The following TEAD1 variants were observed in gnomAD, a reference collection of about 807,000 sequenced individuals.
TEAD1 encodes the protein transcriptional enhancer factor TEF-1.
TEAD1 carries 9 observed loss-of-function variants against 54.9 expected under a neutral mutation model. That is an observed-to-expected ratio of 0.16 (90% CI 0.10 to 0.29). The LOEUF (loss-of-function observed/expected upper bound fraction) is 0.29. Ranked by LOEUF, TEAD1 falls within the 10% of genes least tolerant of loss-of-function variation. The pLI is 1.00. For missense variants in TEAD1, 387 were observed against 535.9 expected, an observed-to-expected ratio of 0.72 and a Z score of 2.74; for synonymous variants, 200 against 187.8, an observed-to-expected ratio of 1.07 and a Z score of -0.53.
chr11:12,720,093 C>T (rs1410341838), intron 2 of TEAD1, among the ~76,000 whole-genome samples: 1 of 148,480 alleles, frequency 6.7e-6, no homozygotes, highest in Non-Finnish European at 1.5e-5. Flanking sequence ...TGAGGGGCAT[C>T]TCTCATTATA....
chr11:12,718,460 A>C (rs1480962125), intron 2 of TEAD1, among the ~76,000 whole-genome samples: 1 of 152,170 alleles, frequency 6.6e-6, no homozygotes, highest in Non-Finnish European at 1.5e-5. Flanking sequence ...CATCTTCCTC[A>C]TTATGTTCTT....
At chr11:12,849,892 T>C (rs189203441) in intron 3 of TEAD1, among the ~76,000 whole-genome samples, 264 of 152,324 alleles carry the variant, frequency 1.7e-3, no homozygotes, top group African/African-American at 6.1e-3. Flanking sequence ...TGTTAAGATA[T>C]CACAATAAGT....
chr11:12,823,184 T>C (rs561704083), intron 3 of TEAD1, among the ~76,000 whole-genome samples: 2 of 152,374 alleles, frequency 1.3e-5, no homozygotes, highest in Admixed American at 6.5e-5. Flanking sequence ...CTTCAGGGAA[T>C]GTATAATGAC....
intron 2 of TEAD1, among the ~76,000 whole-genome samples, chr11:12,723,462 C>T (rs1944253289): frequency 6.6e-6 from 1 of 152,168 alleles, no homozygotes; most frequent in African/African-American, 2.4e-5. Flanking sequence ...CAGAATTCAT[C>T]TGTAAAATAA....
intron 10 of TEAD1, among the ~76,000 whole-genome samples, chr11:12,903,420 T>C (rs746916022): frequency 6.6e-6 from 1 of 152,236 alleles, no homozygotes; most frequent in Non-Finnish European, 1.5e-5. Context: ...ATTTATGTTT[T>C]AGATTCCTTG....
At chr11:12,817,169 T>C (rs939215509) in intron 3 of TEAD1, among the ~76,000 whole-genome samples, 36 of 152,198 alleles carry the variant, frequency 2.4e-4, no homozygotes, top group African/African-American at 8.7e-4. Context: ...GCTGATATTA[T>C]TATCTCACGC....
chr11:12,680,989 C>T (rs961422019), intron 2 of TEAD1, among the ~76,000 whole-genome samples: 2 of 152,138 alleles, frequency 1.3e-5, no homozygotes, highest in Admixed American at 1.3e-4. Context: ...GTCTTGGGGG[C>T]TAACTGATTC....
chr11:12,759,537 G>A (rs1184285004), intron 2 of TEAD1, among the ~76,000 whole-genome samples: 1 of 152,126 alleles, frequency 6.6e-6, no homozygotes, highest in African/African-American at 2.4e-5. Flanking sequence ...GGAAACTGAG[G>A]CACATGGGGG....
intron 5 of TEAD1, among the ~76,000 whole-genome samples, chr11:12,870,451 C>G (rs1947720276): frequency 6.6e-6 from 1 of 150,546 alleles, no homozygotes; most frequent in Non-Finnish European, 1.5e-5. Flanking sequence ...AGCTGAGATT[C>G]AAGAGCTCGG....
chr11:12,760,462 A>G (rs985307445), intron 2 of TEAD1, among the ~76,000 whole-genome samples: 8 of 152,144 alleles, frequency 5.3e-5, no homozygotes, highest in African/African-American at 1.9e-4. Context: ...GAGTCTTCAT[A>G]TATTCCCCTC....
At chr11:12,852,604 C>G (rs1043866105) in intron 3 of TEAD1, among the ~76,000 whole-genome samples, 1 of 152,022 alleles carries the variant, frequency 6.6e-6, no homozygotes, top group African/African-American at 2.4e-5. Context: ...TGTGCCACCA[C>G]GTCAGGCTAA....
intron 5 of TEAD1, among the ~76,000 whole-genome samples, chr11:12,867,585 C>T (rs893822351): frequency 6.6e-6 from 1 of 152,194 alleles, no homozygotes; most frequent in Non-Finnish European, 1.5e-5. Flanking sequence ...ACCTTCCTAA[C>T]CAGCCATTAC....
intron 11 of TEAD1, among the ~76,000 whole-genome samples, chr11:12,929,047 C>G (rs1564994260): frequency 6.6e-6 from 1 of 152,132 alleles, no homozygotes; most frequent in African/African-American, 2.4e-5. Flanking sequence ...TAGTTGTGGT[C>G]ATTTCCACAA....
At chr11:12,896,385 A>G (rs753204336) in intron 9 of TEAD1, among the ~76,000 whole-genome samples, 7 of 152,204 alleles carry the variant, frequency 4.6e-5, no homozygotes, top group South Asian at 2.1e-4. Context: ...TTTAAAACGT[A>G]TTCCATCCTT....
At chr11:12,719,949 GTTTTTTTTTTTTTTTTTTTTTTT>G (rs1200965763) in intron 2 of TEAD1, among the ~76,000 whole-genome samples, 19 of 40,000 alleles carry the variant, frequency 4.7e-4, no homozygotes, top group East Asian at 2.0e-3. Context: ...GAAATCTAAT[GTTTTTTTTTTTTTTTTTTTTTTT>G]TTTTTTTTTT....
At chr11:12,750,201 A>G (rs1564927625) in intron 2 of TEAD1, among the ~76,000 whole-genome samples, 1 of 152,180 alleles carries the variant, frequency 6.6e-6, no homozygotes, top group African/African-American at 2.4e-5. Context: ...CTGTATAAGC[A>G]TAGCAGCCTG....
intron 2 of TEAD1, among the ~76,000 whole-genome samples, chr11:12,676,857 T>A (rs1943103728): frequency 6.6e-6 from 1 of 152,206 alleles, no homozygotes; most frequent in African/African-American, 2.4e-5. Context: ...GTATAAAAAA[T>A]GAACTGATGA....
At position 12,943,272 on chromosome 11, in the gene TEAD1, C is replaced by T. The variant is rs192766449; in HGVS notation, c.*6050C>T. 2.0e-5 allele frequency: 3 copies of T among 152,722 alleles called. No homozygotes were observed. The highest frequency in any genetic ancestry group is 2.0e-4 in the Admixed American group (3 of 15,298). The allele number at this position is 152,722 out of a possible 1,614,324, so 9.5% of individuals were successfully genotyped here. On this transcript the variant is annotated 3_prime_UTR_variant, in exon 13 of 13. Coordinates refer to ENST00000527636, the MANE Select transcript of TEAD1 (RefSeq NM_021961.6). ...AGCTGGAATTCTCAACTCTTCCCTGCCAGCACTATACCACAGTGTGGAAGA... is the reference window on the plus strand; with the variant it reads ...AGCTGGAATTCTCAACTCTTCCCTGTCAGCACTATACCACAGTGTGGAAGA...
intron 3 of TEAD1, among the ~76,000 whole-genome samples, chr11:12,821,171 T>G (rs1336571056): frequency 6.6e-6 from 1 of 152,188 alleles, no homozygotes; most frequent in Non-Finnish European, 1.5e-5. Context: ...ATACTTGGCT[T>G]TTCAAGGGCC....
Sources: gnomAD v4.1 joint callset for allele counts (sites outside exome capture counted in the v4.1 genomes callset) on GRCh38, gnomAD v4.1.1 for gene constraint, MANE v1.5 for transcripts, NCBI Gene and HGNC (gene_info 2026-07-23, HGNC 2026-07-21) for gene names.